PTPRT: variants seen among roughly 807,000 people sequenced by gnomAD.
PTPRT encodes receptor-type tyrosine-protein phosphatase T.
PTPRT carries 56 observed loss-of-function variants against 176.8 expected under a neutral mutation model. That is an observed-to-expected ratio of 0.32 (90% CI 0.26 to 0.40). The LOEUF (loss-of-function observed/expected upper bound fraction) is 0.40. Among genes scored for constraint, PTPRT ranks in the 10% least tolerant of loss-of-function variants. The pLI is 1.00. For missense variants in PTPRT, 1,540 were observed against 1,908.2 expected, an observed-to-expected ratio of 0.81 and a Z score of 3.60; for synonymous variants, 783 against 739.0, an observed-to-expected ratio of 1.06 and a Z score of -0.96.
intron 7 of PTPRT, among the ~76,000 whole-genome samples, chr20:42,615,086 C>A (rs1320801295): frequency 2.1e-5 from 2 of 96,106 alleles, no homozygotes; most frequent in Non-Finnish European, 4.0e-5. Flanking sequence ...TCCCTCCCCC[C>A]TCCCCCCACC....
intron 11 of PTPRT, among the ~76,000 whole-genome samples, chr20:42,339,559 C>T (rs556488760): frequency 6.6e-6 from 1 of 152,250 alleles, no homozygotes; most frequent in Admixed American, 6.5e-5. Context: ...GACTTGGTTC[C>T]CTGTACAGGT....
At position 42,941,804 on chromosome 20, in the gene PTPRT, C is replaced by T. The variant is rs981460460; in HGVS notation, c.89-55872G>A. Among the ~76,000 whole-genome samples, 11 of 152,100 alleles carry T rather than the reference C, an allele frequency of 7.2e-5. 1 individual carries two copies. Among genetic ancestry groups the T allele is most frequent in the Non-Finnish European group, 1.6e-4 (11 of 68,018 alleles). ...GGAACTATTAGCAAAATGGAACATC[C>T]TCCAAGTAGAAAATTATGCTGATGT... is the stretch of plus-strand genomic sequence containing the variant. On this transcript the variant is annotated intron_variant, in intron 1 of 30. Transcript: ENST00000373187.
intron 12 of PTPRT, among the ~76,000 whole-genome samples, chr20:42,304,130 A>G (rs1179023270): frequency 6.6e-6 from 1 of 152,172 alleles, no homozygotes; most frequent in Non-Finnish European, 1.5e-5. Flanking sequence ...CTCCGTAAGT[A>G]CGACATTCCC....
intron 1 of PTPRT, among the ~76,000 whole-genome samples, chr20:43,034,995 A>G (rs1287380167): frequency 6.6e-6 from 1 of 151,000 alleles, no homozygotes; most frequent in Non-Finnish European, 1.5e-5. Flanking sequence ...TAGGGGACTC[A>G]CCCACTAATT....
At chr20:42,391,422 C>T (rs1049403251) in intron 9 of PTPRT, among the ~76,000 whole-genome samples, 1 of 152,150 alleles carries the variant, frequency 6.6e-6, no homozygotes, top group Non-Finnish European at 1.5e-5. Flanking sequence ...CATAACATGG[C>T]AGCCTCAGGA....
chr20:42,976,950 A>G (rs1982990581), intron 1 of PTPRT, among the ~76,000 whole-genome samples: 1 of 152,218 alleles, frequency 6.6e-6, no homozygotes, highest in Non-Finnish European at 1.5e-5. Flanking sequence ...AAGACTTCCT[A>G]TGTCAGCTTT....
At chr20:42,525,979 A>G (rs991521949) in intron 7 of PTPRT, among the ~76,000 whole-genome samples, 7 of 150,960 alleles carry the variant, frequency 4.6e-5, no homozygotes, top group African/African-American at 1.7e-4. Flanking sequence ...ATATTATTCT[A>G]CTGTCATTTA....
chr20:42,925,196 T>C (rs1979402689), intron 1 of PTPRT, among the ~76,000 whole-genome samples: 2 of 152,224 alleles, frequency 1.3e-5, no homozygotes, highest in Non-Finnish European at 2.9e-5. Flanking sequence ...CAAATGCTAG[T>C]AGCACCTGTA....
At chr20:42,468,720 A>G (rs2071142206) in intron 8 of PTPRT, among the ~76,000 whole-genome samples, 1 of 152,194 alleles carries the variant, frequency 6.6e-6, no homozygotes, top group Non-Finnish European at 1.5e-5. Context: ...ATCCTCAAAG[A>G]GCAGCTCAAG....
At chr20:42,099,498 TCC>T (rs1427830131) in intron 26 of PTPRT, among the ~76,000 whole-genome samples, 1 of 128,766 alleles carries the variant, frequency 7.8e-6, no homozygotes, top group African/African-American at 3.0e-5. Context: ...ATAAATTCAG[TCC>T]CGTGTTGCAG....
chr20:42,129,914 A>G (rs1988047226), intron 18 of PTPRT, among the ~76,000 whole-genome samples: 1 of 152,208 alleles, frequency 6.6e-6, no homozygotes, highest in South Asian at 2.1e-4. Flanking sequence ...TACAGCAGGT[A>G]CTCAGTAGTA....
intron 9 of PTPRT, among the ~76,000 whole-genome samples, chr20:42,355,354 T>G (rs553954946): frequency 2.0e-5 from 3 of 152,310 alleles, no homozygotes; most frequent in African/African-American, 7.2e-5. Context: ...TGGTGTTTCT[T>G]AAACTTCTTG....
At chr20:42,927,554 C>G (rs1026244841) in intron 1 of PTPRT, among the ~76,000 whole-genome samples, 35 of 151,616 alleles carry the variant, frequency 2.3e-4, no homozygotes, top group African/African-American at 8.5e-4. Context: ...AAGAATGAAA[C>G]TCCATCAAAA....
At chr20:42,494,450 T>C (rs1456855498) in intron 7 of PTPRT, among the ~76,000 whole-genome samples, 4 of 152,018 alleles carry the variant, frequency 2.6e-5, no homozygotes, top group African/African-American at 4.8e-5. Flanking sequence ...TAAAAGGAAA[T>C]ACACAGAGTA....
chr20:43,003,631 A>AT (rs1219409762), intron 1 of PTPRT, among the ~76,000 whole-genome samples: 1 of 152,204 alleles, frequency 6.6e-6, no homozygotes, highest in Non-Finnish European at 1.5e-5. Flanking sequence ...TGCAATACAG[A>AT]TTTTTAAAAA....
chr20:42,495,615 TAG>T (rs1318654030), intron 7 of PTPRT, among the ~76,000 whole-genome samples: 1 of 152,192 alleles, frequency 6.6e-6, no homozygotes, highest in African/African-American at 2.4e-5. Context: ...GTTTTCCCGT[TAG>T]AGTCTCAGCG....
chr20:42,148,121 A>G (rs544977652), intron 17 of PTPRT, among the ~76,000 whole-genome samples: 7 of 152,092 alleles, frequency 4.6e-5, no homozygotes, highest in Non-Finnish European at 1.0e-4. Context: ...TTGCCATCTC[A>G]TTATATTCAT....
rs1569077524 is a variant in PTPRT, at chr20:42,678,236, G to C, written c.860-77C>G. The C allele has an allele frequency of 4.3e-6, 6 of 1,387,980 alleles. No homozygotes were observed. In the East Asian group the frequency reaches 1.2e-4, roughly 27 times the overall value. The allele number at this position is 1,387,980 out of a possible 1,614,324, so 86.0% of individuals were successfully genotyped here. ...CAGACTACAAGCACATGACGACAAG[G>C]GACAGAATTCTTGATGTAGCCACAA... On this transcript the variant is annotated intron_variant, in intron 6 of 30. Transcript: ENST00000373187.
At chr20:42,699,253 C>T (rs187277799) in intron 6 of PTPRT, among the ~76,000 whole-genome samples, 1 of 152,170 alleles carries the variant, frequency 6.6e-6, no homozygotes, top group South Asian at 2.1e-4. Context: ...TACATGGTCA[C>T]ATACACCAAA....
Sources: allele counts gnomAD v4.1 joint callset (sites outside exome capture counted in the v4.1 genomes callset), GRCh38; gene constraint gnomAD v4.1.1; transcripts MANE v1.5; gene names NCBI Gene and HGNC (gene_info 2026-07-23, HGNC 2026-07-21).